The following DLEU7 variants were observed in gnomAD, a reference collection of about 807,000 sequenced individuals.
DLEU7 encodes the protein deleted in lymphocytic leukemia 7.
In DLEU7, 17 loss-of-function variants were observed where a neutral mutation model predicts 16.0. That is an observed-to-expected ratio of 1.06 (90% CI 0.73 to 1.59). DLEU7 has a LOEUF of 1.59. DLEU7 is among the 40% of genes most tolerant of loss of function. The pLI is 0.00. For synonymous variants in DLEU7, 113 were observed against 139.8 expected (o/e 0.81, Z 1.35); for missense variants, 308 against 314.9 (o/e 0.98, Z 0.17).
intron 1 of DLEU7, among the ~76,000 whole-genome samples, chr13:50,722,809 T>A (rs1873660108): frequency 6.6e-6 from 1 of 152,216 alleles, no homozygotes; most frequent in African/African-American, 2.4e-5. Context: ...TAGATTTGCA[T>A]GTAGTTGTAG....
At chr13:50,816,932 G>A (rs1011892752) in intron 1 of DLEU7, among the ~76,000 whole-genome samples, 2 of 152,120 alleles carry the variant, frequency 1.3e-5, no homozygotes, top group Non-Finnish European at 2.9e-5. Flanking sequence ...CTGTTCTCCT[G>A]TACTCTTGAG....
chr13:50,792,013 G>A (rs1175871819), intron 1 of DLEU7, among the ~76,000 whole-genome samples: 1 of 152,142 alleles, frequency 6.6e-6, no homozygotes, highest in African/African-American at 2.4e-5. Context: ...TTTTAGGACT[G>A]TTGTCAAATC....
At chr13:50,842,652 AG>A (rs1368328288) in intron 1 of DLEU7, among the ~76,000 whole-genome samples, 5 of 152,230 alleles carry the variant, frequency 3.3e-5, no homozygotes, top group African/African-American at 1.2e-4. Context: ...ATGAGAATGT[AG>A]GTTGACTCTG....
At chr13:50,747,649 C>T (rs523135) in intron 1 of DLEU7, among the ~76,000 whole-genome samples, 70,470 of 151,704 alleles carry the variant, frequency 0.46, 17,277 homozygotes, top group African/African-American at 0.6. Flanking sequence ...CTAGTGTCCT[C>T]GTCAGCCTGT....
intron 1 of DLEU7, among the ~76,000 whole-genome samples, chr13:50,748,953 T>G (rs1169744547): frequency 6.6e-6 from 1 of 152,136 alleles, no homozygotes; most frequent in African/African-American, 2.4e-5. Flanking sequence ...GAGTAAGTTC[T>G]TTAGTGGTGA....
chr13:50,719,130 C>T (rs1201963720), intron 1 of DLEU7, among the ~76,000 whole-genome samples: 2 of 152,148 alleles, frequency 1.3e-5, no homozygotes, highest in African/African-American at 2.4e-5. Flanking sequence ...AAAGAAAAAT[C>T]ATTTGTAACC....
intron 1 of DLEU7, among the ~76,000 whole-genome samples, chr13:50,816,275 G>C (rs1876732211): frequency 6.6e-6 from 1 of 152,060 alleles, no homozygotes; most frequent in Non-Finnish European, 1.5e-5. Flanking sequence ...GGATAGAATA[G>C]CTTATTTCTA....
At chr13:50,783,730 A>C (rs904486791) in intron 1 of DLEU7, among the ~76,000 whole-genome samples, 1 of 152,228 alleles carries the variant, frequency 6.6e-6, no homozygotes, top group Admixed American at 6.5e-5. Flanking sequence ...TCACAAATTC[A>C]ACACAAAGTG....
At chr13:50,742,370 T>A (rs764126628) in intron 1 of DLEU7, among the ~76,000 whole-genome samples, 1 of 152,196 alleles carries the variant, frequency 6.6e-6, no homozygotes, top group East Asian at 1.9e-4. Flanking sequence ...TGGCATTTGC[T>A]TCTTTCTTCT....
chr13:50,727,096 T>C (rs1348064275), intron 1 of DLEU7, among the ~76,000 whole-genome samples: 1 of 152,220 alleles, frequency 6.6e-6, no homozygotes, highest in Admixed American at 6.5e-5. Flanking sequence ...TCCTCTGAGC[T>C]ACAAAATCAT....
intron 1 of DLEU7, among the ~76,000 whole-genome samples, chr13:50,805,691 C>T (rs1425241641): frequency 6.6e-6 from 1 of 152,106 alleles, no homozygotes; most frequent in Non-Finnish European, 1.5e-5. Context: ...AGTTTCCTAC[C>T]ACTTCTCATT....
In DLEU7 at chr13:50,726,948, A is replaced by C. The variant is rs1873777176; in HGVS notation, c.460-13708T>G. Among the ~76,000 whole-genome samples, 1 of 152,074 alleles carries C rather than the reference A, an allele frequency of 6.6e-6. No individual in the cohort carries two copies. Among genetic ancestry groups the C allele is most frequent in the Non-Finnish European group, 1.5e-5 (1 of 67,992 alleles). ...GCAAGAGGAAAGTGGGGGCACGGGG[A>C]AGGTGAAATTATTTATATCCTCAAT... On this transcript the variant is annotated intron_variant, in intron 1 of 1. Coordinates refer to the DLEU7 transcript ENST00000400393. The surrounding 1 kb of genome is among the most constrained non-coding windows in gnomAD (Gnocchi z 4.0).
At chr13:50,739,635 G>T (rs1413025782) in intron 1 of DLEU7, among the ~76,000 whole-genome samples, 1 of 152,066 alleles carries the variant, frequency 6.6e-6, no homozygotes, top group African/African-American at 2.4e-5. Context: ...ACTACCTTTT[G>T]TAAAAAATAG....
intron 1 of DLEU7, among the ~76,000 whole-genome samples, chr13:50,745,560 A>G (rs1295269482): frequency 6.6e-6 from 1 of 152,192 alleles, no homozygotes; most frequent in East Asian, 1.9e-4. Flanking sequence ...TATATTTTAC[A>G]ATATAAAAAA....
chr13:50,735,344 T>A (rs1458931198), intron 1 of DLEU7, among the ~76,000 whole-genome samples: 1 of 152,106 alleles, frequency 6.6e-6, no homozygotes, highest in Non-Finnish European at 1.5e-5. Context: ...AACAGCACAA[T>A]AAACATTCCT....
chr13:50,829,767 G>C (rs993564312), intron 1 of DLEU7, among the ~76,000 whole-genome samples: 1 of 152,168 alleles, frequency 6.6e-6, no homozygotes, highest in Admixed American at 6.5e-5. Flanking sequence ...TTAAGCCAGG[G>C]TAGGGAAAAA....
chr13:50,755,885 T>A (rs1475359971), intron 1 of DLEU7, among the ~76,000 whole-genome samples: 1 of 152,186 alleles, frequency 6.6e-6, no homozygotes, highest in Non-Finnish European at 1.5e-5. Context: ...GTTGTTCAGA[T>A]TCTTTTGTCC....
intron 1 of DLEU7, among the ~76,000 whole-genome samples, chr13:50,835,544 C>T (rs1014477890): frequency 2.6e-5 from 4 of 152,306 alleles, no homozygotes; most frequent in East Asian, 3.9e-4. Flanking sequence ...GGCCTGTTGG[C>T]CCATCCCTCC....
chr13:50,767,129 A>G (rs984986737), intron 1 of DLEU7, among the ~76,000 whole-genome samples: 3 of 152,196 alleles, frequency 2.0e-5, no homozygotes, highest in African/African-American at 7.2e-5. Flanking sequence ...TTGAAGGCTG[A>G]AATGTTTATT....
Sources: gnomAD v4.1 joint callset for allele counts (sites outside exome capture counted in the v4.1 genomes callset) on GRCh38, gnomAD v4.1.1 for gene constraint, Gnocchi (gnomAD v3.1) non-coding constraint, MANE v1.5 for transcripts, NCBI Gene and HGNC (gene_info 2026-07-23, HGNC 2026-07-21) for gene names.